Variants in CLEC16A observed in about 807,000 individuals in gnomAD.
CLEC16A encodes the protein protein CLEC16A.
A neutral mutation model predicts 109.5 loss-of-function variants in CLEC16A; 51 were observed. The ratio of observed to expected loss-of-function variants is 0.47; its 90% confidence interval spans 0.37 to 0.59. The LOEUF is 0.59. Among genes scored for constraint, CLEC16A ranks in the 20% least tolerant of loss-of-function variants. The pLI is 0.00. For synonymous variants in CLEC16A, 673 were observed against 564.2 expected, an observed-to-expected ratio of 1.19 and a Z score of -2.73; for missense variants, 1,339 against 1,394.0, an observed-to-expected ratio of 0.96 and a Z score of 0.63.
At chr16:10,998,465 T>A (rs972996925) in intron 10 of CLEC16A, among the ~76,000 whole-genome samples, 2 of 152,318 alleles carry the variant, frequency 1.3e-5, no homozygotes, top group Non-Finnish European at 1.5e-5. Context: ...ATGTAGACCT[T>A]CTTTGCAGAA....
chr16:11,024,647 G>A (rs2046307881), intron 12 of CLEC16A, 174 bp from the exon 13 acceptor site: 1 of 551,448 alleles, frequency 1.8e-6, no homozygotes. Flanking sequence ...GCTTCCGCAG[G>A]CAGAGCCTGT....
intron 10 of CLEC16A, among the ~76,000 whole-genome samples, chr16:10,987,849 G>A (rs998880379): frequency 1.2e-4 from 18 of 152,228 alleles, no homozygotes; most frequent in African/African-American, 3.6e-4. Context: ...CCCGTAATTT[G>A]TAGATAAGTT....
At chr16:10,981,978 A>G (rs1345784223) in intron 9 of CLEC16A, among the ~76,000 whole-genome samples, 6 of 152,154 alleles carry the variant, frequency 3.9e-5, no homozygotes, top group African/African-American at 1.4e-4. Flanking sequence ...CTCCCTCCAT[A>G]CTCAGTTATA....
intron 22 of CLEC16A, among the ~76,000 whole-genome samples, chr16:11,138,710 C>G (rs866734478): frequency 2.6e-5 from 4 of 152,190 alleles, no homozygotes; most frequent in Non-Finnish European, 4.4e-5. Context: ...ACCTAAATGA[C>G]CACTGTTTTC....
At chr16:10,959,458 C>T (rs1420063773) in intron 2 of CLEC16A, among the ~76,000 whole-genome samples, 1 of 152,146 alleles carries the variant, frequency 6.6e-6, no homozygotes, top group Non-Finnish European at 1.5e-5. Flanking sequence ...TTGGCGGGAT[C>T]CCGGCTCACC....
intron 19 of CLEC16A, among the ~76,000 whole-genome samples, chr16:11,115,449 A>G (rs984011941): frequency 6.6e-6 from 1 of 152,110 alleles, no homozygotes; most frequent in Non-Finnish European, 1.5e-5. Flanking sequence ...ACGGCTCTCT[A>G]TAGCCTCAAC....
chr16:11,060,943 A>C lies in CLEC16A; in HGVS notation c.2037A>C (p.Gln679His). ...TCATGCTGCGTTCCCTGTCACTGCA[A>C]TTGCGAGGGGAGCCTGAGACACAGT... ...VFFMLRSLSL[Q>H]LRGEPETQLP... Residue 679 changes from glutamine to histidine, a missense_variant, in exon 19 of 24, where the codon CAA becomes CAC. Coordinates refer to ENST00000409790, the MANE Select transcript of CLEC16A (RefSeq NM_015226.3). 6.2e-7 allele frequency: 1 copy of C among 1,612,734 alleles called. No individual in the cohort carries two copies. The highest frequency in any genetic ancestry group is 1.1e-5 in the South Asian group (1 of 90,964).
At chr16:11,088,832 G>C (rs1032407298) in intron 19 of CLEC16A, among the ~76,000 whole-genome samples, 7 of 152,218 alleles carry the variant, frequency 4.6e-5, no homozygotes, top group Non-Finnish European at 8.8e-5. Context: ...CTGCCGTTGA[G>C]TTAGTAATTT....
chr16:11,009,156 AG>A (rs781344701), intron 11 of CLEC16A, among the ~76,000 whole-genome samples: 19 of 152,070 alleles, frequency 1.2e-4, no homozygotes, highest in Non-Finnish European at 2.5e-4. Context: ...TGACTGCTCT[AG>A]GTCGTTTATT....
At chr16:10,989,136 G>T (rs1452248667) in intron 10 of CLEC16A, among the ~76,000 whole-genome samples, 1 of 152,184 alleles carries the variant, frequency 6.6e-6, no homozygotes, top group Non-Finnish European at 1.5e-5. Flanking sequence ...CCCTCTGTGT[G>T]TATACTGTGT....
Position 10,969,332 on chromosome 16 carries a change from C to T in CLEC16A, c.492+23C>T, listed in dbSNP as rs150362241. The T allele has an allele frequency of 5.6e-4, 858 of 1,544,832 alleles. 5 individuals carry two copies. In the African/African-American group the frequency reaches 0.011, roughly 19 times the overall value. On this transcript the variant is annotated intron_variant, in intron 4 of 23. Coordinates refer to ENST00000409790, the MANE Select transcript of CLEC16A (RefSeq NM_015226.3). ...GAGGTAAGTAATTGCCAGAGGGGCA[C>T]GTGTGGGTGTAAAGCCACACGTGGC... is the stretch of plus-strand genomic sequence containing the variant.
At chr16:11,084,120 G>A (rs937696316) in intron 19 of CLEC16A, among the ~76,000 whole-genome samples, 1 of 151,916 alleles carries the variant, frequency 6.6e-6, no homozygotes, top group African/African-American at 2.4e-5. Context: ...TCCCCTGCTT[G>A]CTGAGTGTGT....
chr16:10,977,262 G>C lies in CLEC16A; in HGVS notation c.766G>C (p.Glu256Gln). 2 of 1,613,988 alleles carry C rather than the reference G, an allele frequency of 1.2e-6. No homozygotes were observed. The highest frequency in any genetic ancestry group is 1.7e-6 in the Non-Finnish European group (2 of 1,179,880). ...GGGTAAACTGAGTGATCTGGTGGCAGAGCACCTAGACCACCTGCACTATCT... is the reference window on the plus strand; with the variant it reads ...GGGTAAACTGAGTGATCTGGTGGCACAGCACCTAGACCACCTGCACTATCT... ...NRGKLSDLVA[E>Q]HLDHLHYLND... is the part of the protein sequence containing the mutation. The change falls in exon 8 of 24, where the codon GAG becomes CAG. Residue 256 changes from glutamate (E) to glutamine (Q), a missense_variant. Coordinates refer to ENST00000409790, the MANE Select transcript of CLEC16A (RefSeq NM_015226.3).
intron 19 of CLEC16A, among the ~76,000 whole-genome samples, chr16:11,108,693 C>T (rs879879907): frequency 6.6e-6 from 1 of 152,234 alleles, no homozygotes; most frequent in Non-Finnish European, 1.5e-5. Flanking sequence ...GGGGAAGTCA[C>T]TTGTCCTGCT....
At chr16:11,017,337 C>G (rs2045820265) in intron 11 of CLEC16A, among the ~76,000 whole-genome samples, 1 of 152,106 alleles carries the variant, frequency 6.6e-6, no homozygotes, top group Non-Finnish European at 1.5e-5. Context: ...AACCCCTGTT[C>G]TAGTGGAGGA....
chr16:11,110,854 C>T (rs2051539312), intron 19 of CLEC16A, among the ~76,000 whole-genome samples: 2 of 152,222 alleles, frequency 1.3e-5, no homozygotes, highest in African/African-American at 4.8e-5. Context: ...GGGCTTTAAA[C>T]CCAGTCTGCA....
chr16:11,073,489 C>T (rs1445978315), intron 19 of CLEC16A, among the ~76,000 whole-genome samples: 1 of 152,186 alleles, frequency 6.6e-6, no homozygotes, highest in Non-Finnish European at 1.5e-5. Context: ...CTGCTTCATC[C>T]ATCCTGATGC....
At chr16:11,035,271 C>T (rs1297063486) in intron 13 of CLEC16A, among the ~76,000 whole-genome samples, 1 of 152,192 alleles carries the variant, frequency 6.6e-6, no homozygotes, top group Non-Finnish European at 1.5e-5. Context: ...CTTTTTTGCA[C>T]AGCTGTCATA....
chr16:10,958,897 A>G (rs1224943768), intron 2 of CLEC16A, among the ~76,000 whole-genome samples: 2 of 151,632 alleles, frequency 1.3e-5, no homozygotes, highest in African/African-American at 2.4e-5. Flanking sequence ...GAGTGAGACC[A>G]TGTCTCAAAA....
Sources: allele counts gnomAD v4.1 joint callset (sites outside exome capture counted in the v4.1 genomes callset), GRCh38; gene constraint gnomAD v4.1.1; transcripts MANE v1.5; gene names NCBI Gene and HGNC (gene_info 2026-07-23, HGNC 2026-07-21).